The following CFAP61 variants were observed in gnomAD, a reference collection of about 807,000 sequenced individuals.
CFAP61 encodes the protein cilia and flagella associated protein 61.
A neutral mutation model predicts 135.6 loss-of-function variants in CFAP61; 107 were observed. The observed-to-expected ratio is 0.79, with a 90% CI of 0.67 to 0.93. CFAP61 has a LOEUF of 0.93. CFAP61 is among the 40% of genes least tolerant of loss of function. The pLI, the probability that CFAP61 is intolerant of heterozygous loss-of-function variation, is 0.00. For synonymous variants in CFAP61, 575 were observed against 578.5 expected (o/e 0.99, Z 0.09); for missense variants, 1,507 against 1,556.2 (o/e 0.97, Z 0.53).
At chr20:20,327,845 A>G (rs1194597519) in intron 25 of CFAP61, among the ~76,000 whole-genome samples, 1 of 148,676 alleles carries the variant, frequency 6.7e-6, no homozygotes, top group African/African-American at 2.5e-5. Context: ...CAAAGTCCCT[A>G]TCACAGGATT....
chr20:20,146,329 T>G (rs2051884124), intron 9 of CFAP61, among the ~76,000 whole-genome samples: 1 of 152,194 alleles, frequency 6.6e-6, no homozygotes, highest in African/African-American at 2.4e-5. Context: ...GACCTCTCAA[T>G]AAACTAGAAT....
rs1438422119 is a variant in CFAP61, at chr20:20,246,145, CT to C, written c.2090del (p.Leu697ArgfsTer21). 19 of 1,612,714 alleles carry C rather than the reference CT, an allele frequency of 1.2e-5. No individual in the cohort carries two copies. Among genetic ancestry groups the C allele is most frequent in the Non-Finnish European group, 1.6e-5 (19 of 1,178,852 alleles). ...TCACATGAAGTTTAATAATCTTACC[CT>C]GATTTCAACTCATGGACTCCCAGGA... ...CSHMKFNNLT[L>X]ISTHGLPGKK... On this transcript the variant is annotated frameshift_variant, in exon 19 of 27. Transcript: ENST00000245957. LOFTEE classifies it high-confidence loss of function.
At chr20:20,219,607 C>A (rs1367120283) in intron 17 of CFAP61, among the ~76,000 whole-genome samples, 1 of 152,106 alleles carries the variant, frequency 6.6e-6, no homozygotes, top group Non-Finnish European at 1.5e-5. Flanking sequence ...GATGATGCCC[C>A]ATACATTCTC....
At chr20:20,300,607 G>GTTTTTTTT (rs760598213) in intron 25 of CFAP61, among the ~76,000 whole-genome samples, 1 of 145,674 alleles carries the variant, frequency 6.9e-6, no homozygotes. Context: ...TGTTTTTTTT[G>GTTTTTTTT]TTTTTTTTTT....
intron 21 of CFAP61, chr20:20,265,769 C>A: frequency 3.1e-6 from 1 of 326,166 alleles, no homozygotes; most frequent in Non-Finnish European, 5.5e-6. Flanking sequence ...GTGTAGAGGC[C>A]CTTTTCAAGT....
chr20:20,296,343 G>GCTTC (rs1209701450), intron 24 of CFAP61, among the ~76,000 whole-genome samples: 4 of 12,180 alleles, frequency 3.3e-4, no homozygotes, highest in African/African-American at 6.6e-4. Flanking sequence ...TTCCTTCCTT[G>GCTTC]CTTCCTTCCT....
chr20:20,159,445 G>A lies in CFAP61; in HGVS notation c.1026+1G>A. On this transcript the variant is annotated splice_donor_variant, in intron 10 of 26. Transcript: ENST00000245957. LOFTEE classifies it high-confidence loss of function. ...AAGTGGAAATGTTAGTGAACCGGAGGTAGGGTTTGACGAGGGCCTTTGCGT... is the reference window on the plus strand; with the variant it reads ...AAGTGGAAATGTTAGTGAACCGGAGATAGGGTTTGACGAGGGCCTTTGCGT... 1 of 1,613,706 alleles carries A rather than the reference G, an allele frequency of 6.2e-7. No individual in the cohort carries two copies. Among genetic ancestry groups the A allele is most frequent in the Non-Finnish European group, 8.5e-7 (1 of 1,179,648 alleles).
At chr20:20,078,495 A>C (rs1600484540) in intron 6 of CFAP61, among the ~76,000 whole-genome samples, 1 of 152,186 alleles carries the variant, frequency 6.6e-6, no homozygotes, top group African/African-American at 2.4e-5. Flanking sequence ...AAGTAGAAAT[A>C]ATAGATTTAA....
At chr20:20,314,515 T>A (rs1227738966) in intron 25 of CFAP61, among the ~76,000 whole-genome samples, 1 of 147,892 alleles carries the variant, frequency 6.8e-6, no homozygotes, top group East Asian at 2.0e-4. Flanking sequence ...GTTTTTGTTT[T>A]TTTTTATTAT....
At chr20:20,188,119 A>G in intron 14 of CFAP61, 63 bp downstream of exon 14, 1 of 1,570,724 alleles carries the variant, frequency 6.4e-7, no homozygotes, top group Non-Finnish European at 8.7e-7. Flanking sequence ...ATGTAGATTC[A>G]GCCCTGAAAC....
chr20:20,146,680 C>T (rs1600953786), intron 9 of CFAP61, among the ~76,000 whole-genome samples: 1 of 152,170 alleles, frequency 6.6e-6, no homozygotes, highest in South Asian at 2.1e-4. Context: ...AGTCAAAATA[C>T]TTAATGATCT....
chr20:20,159,113 G>C (rs749207258), intron 9 of CFAP61, among the ~76,000 whole-genome samples: 1 of 152,204 alleles, frequency 6.6e-6, no homozygotes, highest in Non-Finnish European at 1.5e-5. Flanking sequence ...AGAATCAGGA[G>C]GCACCTGCAC....
rs1001550083 is a variant in CFAP61, at chr20:20,359,266, T to C, written c.3514-944T>C. On this transcript the variant is annotated intron_variant, in intron 26 of 26. Coordinates refer to ENST00000245957, the MANE Select transcript of CFAP61 (RefSeq NM_015585.4). The surrounding 1 kb of genome is among the most constrained non-coding windows in gnomAD (Gnocchi z 4.0). ...TGATTGTGAATTTATTCTAAGGTTT[T>C]AAAATCCCACTTCTTGGGAATTATA... 3.3e-5 allele frequency among the ~76,000 whole-genome samples: 5 copies of C among 152,246 alleles called. No homozygotes were observed. The highest frequency in any genetic ancestry group is 7.3e-5 in the Non-Finnish European group (5 of 68,040).
chr20:20,189,873 C>CA (rs1392639484), intron 14 of CFAP61, among the ~76,000 whole-genome samples: 2 of 152,356 alleles, frequency 1.3e-5, no homozygotes, highest in African/African-American at 4.8e-5. Flanking sequence ...TGGCTCACTG[C>CA]AACCTCCGCC....
At chr20:20,209,935 G>A (rs115148879) in intron 17 of CFAP61, among the ~76,000 whole-genome samples, 6,027 of 152,140 alleles carry the variant, frequency 0.04, 155 homozygotes, top group Middle Eastern at 0.11. Flanking sequence ...CCAGGCCCCC[G>A]CAGCCCTCAC....
chr20:20,172,083 T>C (rs2054264184), intron 13 of CFAP61: 1 of 548,700 alleles, frequency 1.8e-6, no homozygotes. Context: ...AGGTTGGGCA[T>C]GTGTCCAGTA....
intron 25 of CFAP61, among the ~76,000 whole-genome samples, chr20:20,321,392 A>T (rs1483727984): frequency 6.6e-6 from 1 of 152,210 alleles, no homozygotes; most frequent in East Asian, 1.9e-4. Context: ...AAGTAATCAT[A>T]TTTATGTCAA....
chr20:20,251,839 A>G lies in CFAP61; in HGVS notation c.2328+76A>G, dbSNP rs1031111106. ...AAGCCATTCATATGTTTACTGGGGC[A>G]CACACACTCTGGGTAAAGAGCATCC... On this transcript the variant is annotated intron_variant, in intron 20 of 26. Coordinates refer to ENST00000245957, the MANE Select transcript of CFAP61 (RefSeq NM_015585.4). 3.5e-6 allele frequency: 5 copies of G among 1,441,088 alleles called. No homozygotes were observed. The African/African-American group carries it at 4.2e-5, about 12-fold the overall frequency. The allele number at this position is 1,441,088 out of a possible 1,614,324, so 89.3% of individuals were successfully genotyped here.
intron 8 of CFAP61, among the ~76,000 whole-genome samples, chr20:20,135,870 G>A (rs1448804989): frequency 6.6e-6 from 1 of 152,054 alleles, no homozygotes; most frequent in Non-Finnish European, 1.5e-5. Flanking sequence ...GCTTATTAAT[G>A]TCCTTTTCTC....
Sources: allele counts gnomAD v4.1 joint callset (sites outside exome capture counted in the v4.1 genomes callset), GRCh38; gene constraint gnomAD v4.1.1; non-coding constraint Gnocchi (gnomAD v3.1); transcripts MANE v1.5; gene names NCBI Gene and HGNC (gene_info 2026-07-23, HGNC 2026-07-21).